OSBPL10: variants seen among roughly 807,000 people sequenced by gnomAD.
OSBPL10 encodes oxysterol-binding protein-related protein 10.
Under a neutral mutation model 81.7 loss-of-function variants are expected in OSBPL10, and 49 were observed. The ratio of observed to expected loss-of-function variants is 0.60; its 90% CI spans 0.48 to 0.76. The LOEUF is 0.76. Among genes scored for constraint, OSBPL10 ranks in the 30% least tolerant of loss-of-function variants. The pLI is 0.00. For synonymous variants in OSBPL10, 419 were observed against 383.6 expected, an observed-to-expected ratio of 1.09 and a Z score of -1.08; for missense variants, 923 against 987.8, an observed-to-expected ratio of 0.93 and a Z score of 0.88.
chr3:31,786,305 C>T (rs1397960351), intron 4 of OSBPL10, among the ~76,000 whole-genome samples: 1 of 152,124 alleles, frequency 6.6e-6, no homozygotes, highest in Non-Finnish European at 1.5e-5. Context: ...CAAATTTATA[C>T]TTCTCTTTTT....
intron 4 of OSBPL10, among the ~76,000 whole-genome samples, chr3:31,823,411 C>G (rs1333572904): frequency 6.6e-6 from 1 of 152,126 alleles, no homozygotes; most frequent in Non-Finnish European, 1.5e-5. Context: ...TCAATTACTA[C>G]CTGCAGAATG....
intron 1 of OSBPL10, among the ~76,000 whole-genome samples, chr3:31,892,296 A>C (rs1350518322): frequency 3.3e-5 from 5 of 152,216 alleles, no homozygotes; most frequent in Non-Finnish European, 7.3e-5. Flanking sequence ...ATGGGGCTAA[A>C]GACGTAGGCA....
At chr3:31,809,670 A>G (rs185619663) in intron 4 of OSBPL10, among the ~76,000 whole-genome samples, 1 of 152,314 alleles carries the variant, frequency 6.6e-6, no homozygotes, top group East Asian at 1.9e-4. Flanking sequence ...AGTATATTCT[A>G]ATGTGACAAC....
chr3:31,881,463 C>T (rs6550080), intron 1 of OSBPL10, among the ~76,000 whole-genome samples: 111,049 of 151,988 alleles, frequency 0.73, 41,473 homozygotes, highest in African/African-American at 0.89. Context: ...ACAGTTTTAA[C>T]ATTATATTGC....
rs140784203 is a variant in OSBPL10 at position 31,848,219 on chromosome 3, G to T, written c.538-17988C>A. Among the ~76,000 whole-genome samples the T allele has an allele frequency of 8.3e-3, 1,262 of 152,004 alleles. 19 individuals are homozygous for T. The highest frequency in any genetic ancestry group is 0.027 in the African/African-American group (1,137 of 41,464). On this transcript the variant is annotated intron_variant, in intron 3 of 11. Coordinates refer to ENST00000396556, the MANE Select transcript of OSBPL10 (RefSeq NM_017784.5). ...ATATACTCCGGCACAACCCCTTGTG[G>T]TCTTAAGTTTACCTCTTGGTGAACT...
intron 7 of OSBPL10, among the ~76,000 whole-genome samples, chr3:31,694,845 C>G (rs1695667310): frequency 6.6e-6 from 1 of 152,224 alleles, no homozygotes; most frequent in Non-Finnish European, 1.5e-5. Flanking sequence ...ACCTCCGCCT[C>G]CAAGGTTCAA....
intron 3 of OSBPL10, among the ~76,000 whole-genome samples, chr3:31,857,604 G>A (rs1400398080): frequency 6.6e-6 from 1 of 150,886 alleles, no homozygotes; most frequent in African/African-American, 2.4e-5. Context: ...AACCACTTGA[G>A]TAACTACATT....
intron 4 of OSBPL10, among the ~76,000 whole-genome samples, chr3:31,788,344 T>G (rs1363996814): frequency 6.6e-6 from 1 of 152,236 alleles, no homozygotes; most frequent in Non-Finnish European, 1.5e-5. Flanking sequence ...GGAATAAATG[T>G]CAAAACAAGT....
intron 1 of OSBPL10, among the ~76,000 whole-genome samples, chr3:31,944,885 G>C (rs956130671): frequency 1.1e-4 from 16 of 140,664 alleles, no homozygotes; most frequent in African/African-American, 4.3e-4. Flanking sequence ...AGGCACAGTG[G>C]CTTATGCCTG....
chr3:31,688,402 CT>C lies in OSBPL10; in HGVS notation c.1246-4289del, dbSNP rs113517429. 2.0e-5 allele frequency among the ~76,000 whole-genome samples: 3 copies of C among 151,884 alleles called. 1 individual carries two copies. The highest frequency in any genetic ancestry group is 7.2e-5 in the African/African-American group (3 of 41,414). ...TCAAGTAGCTCCCTGCTCTGTGAAG[CT>C]TTTTTTGACAGTTCCTGCTTTCAAG... On this transcript the variant is annotated intron_variant, in intron 7 of 11. Coordinates refer to ENST00000396556, the MANE Select transcript of OSBPL10 (RefSeq NM_017784.5).
chr3:31,889,069 T>G (rs1418966224), intron 1 of OSBPL10, among the ~76,000 whole-genome samples: 1 of 152,118 alleles, frequency 6.6e-6, no homozygotes, highest in Non-Finnish European at 1.5e-5. Context: ...TCACTAATCA[T>G]TAGGAAAATG....
At chr3:31,684,231 C>T (rs1233242045) in intron 7 of OSBPL10, 117 bp from the exon 8 acceptor site, 1 of 1,385,488 alleles carries the variant, frequency 7.2e-7, no homozygotes, top group Non-Finnish European at 9.7e-7. Flanking sequence ...AGCCAGGGAG[C>T]AGTCTGTTTT....
chr3:32,046,931 C>A (rs924431473), intron 1 of OSBPL10, among the ~76,000 whole-genome samples: 1 of 152,172 alleles, frequency 6.6e-6, no homozygotes, highest in African/African-American at 2.4e-5. Flanking sequence ...AATCGAGACT[C>A]CAAGAGAGGG....
At position 31,789,431 on chromosome 3, in the gene OSBPL10, A is replaced by ATGC. The variant is rs1198049360; in HGVS notation, c.729+40606_729+40608dup. ...CAGCCTTTGTTGGAAAAGAAAACAG[A>ATGC]TGCTGAAGTTCTCCAGAACAAAGCT... On this transcript the variant is annotated intron_variant, in intron 4 of 11. Transcript: ENST00000396556. Among the ~76,000 whole-genome samples, 4 of 152,292 alleles carry ATGC rather than the reference A, an allele frequency of 2.6e-5. No individual in the cohort carries two copies. The East Asian group carries it at 7.7e-4, about 29-fold the overall frequency.
intron 3 of OSBPL10, among the ~76,000 whole-genome samples, chr3:31,861,842 T>C (rs1359433443): frequency 1.3e-5 from 2 of 152,178 alleles, no homozygotes; most frequent in Non-Finnish European, 2.9e-5. Context: ...GCTAGACTTG[T>C]CTGGAGGGGT....
intron 1 of OSBPL10, among the ~76,000 whole-genome samples, chr3:31,946,783 G>A (rs1404345494): frequency 6.6e-6 from 1 of 152,216 alleles, no homozygotes; most frequent in Non-Finnish European, 1.5e-5. Flanking sequence ...GAGGTCACAG[G>A]AAGTCACCCA....
At chr3:31,849,181 G>GC (rs1004720801) in intron 3 of OSBPL10, among the ~76,000 whole-genome samples, 11 of 152,166 alleles carry the variant, frequency 7.2e-5, no homozygotes, top group Non-Finnish European at 1.5e-4. Flanking sequence ...GGAATAAAAG[G>GC]CCCCCTGACC....
intron 2 of OSBPL10, among the ~76,000 whole-genome samples, chr3:31,986,657 TTTA>T (rs889314615): frequency 6.6e-6 from 1 of 152,162 alleles, no homozygotes. Flanking sequence ...GCCTGGCCTA[TTTA>T]TTATTATTTT....
intron 4 of OSBPL10, among the ~76,000 whole-genome samples, chr3:31,764,397 G>A (rs1698140658): frequency 6.6e-6 from 1 of 152,176 alleles, no homozygotes; most frequent in African/African-American, 2.4e-5. Context: ...TTTGTTGGGT[G>A]GATAAATGGA....
Sources: gnomAD v4.1 joint callset for allele counts (sites outside exome capture counted in the v4.1 genomes callset) on GRCh38, gnomAD v4.1.1 for gene constraint, MANE v1.5 for transcripts, NCBI Gene and HGNC (gene_info 2026-07-23, HGNC 2026-07-21) for gene names.